SGK1: variants seen among roughly 807,000 people sequenced by gnomAD.
SGK1 encodes serine/threonine-protein kinase Sgk1.
SGK1 carries 26 observed loss-of-function variants against 64.2 expected under a neutral mutation model. The observed-to-expected ratio is 0.40, with a 90% confidence interval of 0.30 to 0.56. The LOEUF is 0.56. Among genes scored for constraint, SGK1 ranks in the 20% least tolerant of loss-of-function variants. The probability of loss-of-function intolerance (pLI) is 0.38; values close to 1 mark genes in which losing one functional copy is unlikely to be tolerated. For missense variants in SGK1, 519 were observed against 645.6 expected, an observed-to-expected ratio of 0.80 and a Z score of 2.12; for synonymous variants, 265 against 239.7, an observed-to-expected ratio of 1.11 and a Z score of -0.98.
At chr6:134,283,393 A>C (rs1344469790) in intron 1 of SGK1, among the ~76,000 whole-genome samples, 3 of 152,040 alleles carry the variant, frequency 2.0e-5, no homozygotes, top group African/African-American at 7.3e-5. Context: ...CAGGAGGCTG[A>C]GGTGAGAGAA....
At chr6:134,185,471 T>C (rs1445876270) in intron 3 of SGK1, among the ~76,000 whole-genome samples, 3 of 151,796 alleles carry the variant, frequency 2.0e-5, no homozygotes, top group Admixed American at 6.6e-5. Context: ...TTGTCAGAAA[T>C]GACAAAAGCC....
intron 3 of SGK1, among the ~76,000 whole-genome samples, chr6:134,182,382 A>G (rs1002708012): frequency 2.0e-5 from 3 of 151,852 alleles, no homozygotes; most frequent in Admixed American, 6.6e-5. Flanking sequence ...CCCCGTCTCT[A>G]CTAAAAATAC....
At chr6:134,300,594 C>G (rs1777437035) in intron 1 of SGK1, among the ~76,000 whole-genome samples, 1 of 147,852 alleles carries the variant, frequency 6.8e-6, no homozygotes, top group African/African-American at 2.5e-5. Context: ...GGGATAGGCC[C>G]TGGAGATAAA....
chr6:134,244,870 G>T (rs190841174), intron 2 of SGK1, among the ~76,000 whole-genome samples: 1 of 152,192 alleles, frequency 6.6e-6, no homozygotes, highest in Non-Finnish European at 1.5e-5. Context: ...CTGCCTCCCA[G>T]GTTCAAGTGA....
intron 2 of SGK1, among the ~76,000 whole-genome samples, chr6:134,253,900 C>T (rs1460300303): frequency 2.0e-5 from 3 of 152,096 alleles, no homozygotes; most frequent in African/African-American, 7.2e-5. Context: ...AGCATTTGGT[C>T]GCTGACTAAG....
At chr6:134,239,989 C>T (rs891247535) in intron 2 of SGK1, among the ~76,000 whole-genome samples, 16 of 151,948 alleles carry the variant, frequency 1.1e-4, no homozygotes, top group African/African-American at 3.9e-4. Context: ...CACAGAAAGC[C>T]CTAGTCAGGA....
rs765501141 is a variant in SGK1, at chr6:134,262,116, A to G, written c.102T>C (p.Ser34=). 6.2e-7 allele frequency: 1 copy of G among 1,602,732 alleles called. No individual in the cohort carries two copies. Among genetic ancestry groups the G allele is most frequent in the Non-Finnish European group, 8.5e-7 (1 of 1,171,758 alleles). The change falls in exon 2 of 14, where the codon AGT becomes AGC. Residue 34 remains serine, a synonymous_variant. Transcript: ENST00000367858. ...GGCTGGGACTCTGATGCTTGTCCAC[A>G]CTGACCATTGGGCTCTTGATCCACC... ...VRRWIKSPMV[S]VDKHQSPSLK...
intron 10 of SGK1, chr6:134,171,984 T>A (rs1430635983): frequency 1.4e-6 from 1 of 696,626 alleles, no homozygotes; most frequent in East Asian, 2.5e-5. Context: ...ATGCAGATCT[T>A]ACTTACAAAC....
intron 2 of SGK1, among the ~76,000 whole-genome samples, chr6:134,214,145 T>C (rs1269911746): frequency 2.0e-5 from 3 of 151,864 alleles, no homozygotes; most frequent in Admixed American, 2.0e-4. Context: ...GGTTTCAAAC[T>C]CCCAGCTTCA....
At chr6:134,207,098 C>A (rs1046189395) in intron 3 of SGK1, among the ~76,000 whole-genome samples, 2 of 151,028 alleles carry the variant, frequency 1.3e-5, no homozygotes, top group African/African-American at 4.9e-5. Context: ...TGGTGGCGGG[C>A]GCCTACAGTC....
At chr6:134,174,831 A>G in intron 3 of SGK1, 2 of 1,613,716 alleles carry the variant, frequency 1.2e-6, no homozygotes, top group South Asian at 2.2e-5. Flanking sequence ...AGACAGAAAG[A>G]CGTTAGCGCT....
intron 2 of SGK1, among the ~76,000 whole-genome samples, chr6:134,226,169 AATCTT>A (rs1459887532): frequency 7.9e-5 from 12 of 151,946 alleles, no homozygotes; most frequent in African/African-American, 2.7e-4. Flanking sequence ...AAAAGAGAAC[AATCTT>A]ATCAAGGAAG....
chr6:134,207,409 G>T lies in SGK1; in HGVS notation c.308C>A (p.Ala103Asp). 1 of 1,611,442 alleles carries T rather than the reference G, an allele frequency of 6.2e-7. No individual in the cohort carries two copies. Among genetic ancestry groups the T allele is most frequent in the South Asian group, 1.1e-5 (1 of 90,936 alleles). The change falls in exon 3 of 14, where the codon GCC becomes GAC. Residue 103 changes from alanine (A) to aspartate (D), a missense_variant. Coordinates refer to ENST00000367858, the MANE Select transcript of SGK1 (RefSeq NM_001143676.3). ...GCEVREPCNH[A>D]NILTKPDPRT... Reference sequence around the variant, plus strand: ...TGGATCGGGCTTGGTCAGGATGTTGGCATGATTACATGGCTCTCTCACCTT... The same window carrying T: ...TGGATCGGGCTTGGTCAGGATGTTGTCATGATTACATGGCTCTCTCACCTT...
At chr6:134,254,084 C>T (rs1242990880) in intron 2 of SGK1, among the ~76,000 whole-genome samples, 2 of 146,804 alleles carry the variant, frequency 1.4e-5, no homozygotes, top group Non-Finnish European at 3.0e-5. Flanking sequence ...GTTTTCTGTC[C>T]TAGTCTCTCC....
intron 2 of SGK1, among the ~76,000 whole-genome samples, chr6:134,213,230 A>T (rs1775920472): frequency 6.6e-6 from 1 of 152,128 alleles, no homozygotes; most frequent in South Asian, 2.1e-4. Context: ...TTATTATCAG[A>T]TAAAGTCTTG....
At chr6:134,198,330 C>G (rs1775627809) in intron 3 of SGK1, among the ~76,000 whole-genome samples, 1 of 152,314 alleles carries the variant, frequency 6.6e-6, no homozygotes, top group Non-Finnish European at 1.5e-5. Context: ...CATGAATATA[C>G]TGGCCAACAT....
intron 2 of SGK1, among the ~76,000 whole-genome samples, chr6:134,239,664 C>T (rs141216032): frequency 2.0e-5 from 3 of 152,280 alleles, no homozygotes; most frequent in South Asian, 2.1e-4. Flanking sequence ...TTGAAGGTGG[C>T]CCCTGCATGT....
intron 1 of SGK1, among the ~76,000 whole-genome samples, chr6:134,313,321 A>G (rs866836731): frequency 2.0e-5 from 3 of 152,196 alleles, no homozygotes; most frequent in Non-Finnish European, 4.4e-5. Flanking sequence ...CCAGGGCAAC[A>G]TAGTGAGACC....
At chr6:134,181,533 T>C (rs1675008462) in intron 3 of SGK1, among the ~76,000 whole-genome samples, 1 of 151,926 alleles carries the variant, frequency 6.6e-6, no homozygotes, top group Non-Finnish European at 1.5e-5. Flanking sequence ...TTAGTAGAGA[T>C]GGGGATTCAC....
Sources: allele counts gnomAD v4.1 joint callset (sites outside exome capture counted in the v4.1 genomes callset), GRCh38; gene constraint gnomAD v4.1.1; transcripts MANE v1.5; gene names NCBI Gene and HGNC (gene_info 2026-07-23, HGNC 2026-07-21).